PRKAG2: variants seen among roughly 807,000 people sequenced by gnomAD.
PRKAG2 encodes 5'-AMP-activated protein kinase subunit gamma-2.
PRKAG2 carries 26 observed loss-of-function variants against 69.6 expected under a neutral mutation model. The ratio of observed to expected loss-of-function variants is 0.37; its 90% confidence interval spans 0.27 to 0.52. PRKAG2 has a LOEUF of 0.52. Ranked by LOEUF, PRKAG2 falls within the 20% of genes least tolerant of loss-of-function variation. The probability of loss-of-function intolerance (pLI) is 0.90; values close to 1 mark genes in which losing one functional copy is unlikely to be tolerated. For missense variants in PRKAG2, 557 were observed against 740.0 expected (o/e 0.75, Z 2.87); for synonymous variants, 293 against 285.0 (o/e 1.03, Z -0.28).
At chr7:151,682,741 T>C (rs73158151) in intron 3 of PRKAG2, among the ~76,000 whole-genome samples, 41,043 of 147,232 alleles carry the variant, frequency 0.28, 6,555 homozygotes, top group Middle Eastern at 0.38. Context: ...AACCAAAAAA[T>C]CAGCCCCAAC....
chr7:151,612,594 G>T (rs1413418274), intron 5 of PRKAG2, among the ~76,000 whole-genome samples: 1 of 152,196 alleles, frequency 6.6e-6, no homozygotes, highest in Admixed American at 6.5e-5. Flanking sequence ...CCATGGTCTG[G>T]TTCTGCCCCC....
At chr7:151,779,391 C>T (rs2076559082) in intron 3 of PRKAG2, among the ~76,000 whole-genome samples, 1 of 152,192 alleles carries the variant, frequency 6.6e-6, no homozygotes, top group Admixed American at 6.5e-5. Flanking sequence ...CCTCCTCCTC[C>T]TCTCCCCGCT....
intron 2 of PRKAG2, among the ~76,000 whole-genome samples, chr7:151,784,029 C>G (rs62478216): frequency 0.28 from 41,875 of 151,618 alleles, 5,845 homozygotes; most frequent in African/African-American, 0.33. Flanking sequence ...CACACACAGG[C>G]ACCAGGGTGG....
At chr7:151,744,373 G>GTC (rs1201799596) in intron 3 of PRKAG2, among the ~76,000 whole-genome samples, 1 of 152,074 alleles carries the variant, frequency 6.6e-6, no homozygotes, top group Admixed American at 6.6e-5. Context: ...GGGACTCTGG[G>GTC]TCTCCGTTGT....
chr7:151,806,800 T>C (rs569364253), intron 1 of PRKAG2: 34 of 365,172 alleles, frequency 9.3e-5, no homozygotes, highest in South Asian at 6.7e-4. Context: ...ACCCTGTCTC[T>C]ACTAACACTA....
At chr7:151,803,580 C>G (rs1250697110) in intron 1 of PRKAG2, among the ~76,000 whole-genome samples, 1 of 152,204 alleles carries the variant, frequency 6.6e-6, no homozygotes, top group Non-Finnish European at 1.5e-5. Context: ...AAAATGATAT[C>G]CTACTCCATT....
chr7:151,794,296 G>A (rs2077390645), intron 1 of PRKAG2, among the ~76,000 whole-genome samples: 3 of 152,376 alleles, frequency 2.0e-5, no homozygotes, highest in South Asian at 2.1e-4. Flanking sequence ...CCAAGTAGCT[G>A]CAGAATCCCT....
chr7:151,606,126 C>T (rs1427617830), intron 5 of PRKAG2, among the ~76,000 whole-genome samples: 1 of 152,088 alleles, frequency 6.6e-6, no homozygotes, highest in Non-Finnish European at 1.5e-5. Flanking sequence ...AACTCCCAGG[C>T]TCAAGTGATC....
intron 3 of PRKAG2, among the ~76,000 whole-genome samples, chr7:151,702,930 G>T (rs1837970572): frequency 6.6e-6 from 1 of 152,156 alleles, no homozygotes; most frequent in Admixed American, 6.5e-5. Flanking sequence ...CCGAGAACTG[G>T]AGCAAGTAGA....
In PRKAG2 at chr7:151,850,068, C is replaced by T. The variant is rs1488226731; in HGVS notation, c.114+26439G>A. 6.6e-6 allele frequency among the ~76,000 whole-genome samples: 1 copy of T among 152,150 alleles called. No homozygotes were observed. Among genetic ancestry groups the T allele is most frequent in the Non-Finnish European group, 1.5e-5 (1 of 68,042 alleles). The stretch of plus-strand genomic sequence containing the variant: ...CTGCTGGGCTGCAGGGGGAGCGAGA[C>T]ACACCAGGGAGGCTGAGAACCCACA... On this transcript the variant is annotated intron_variant, in intron 1 of 15. Coordinates refer to ENST00000287878, the MANE Select transcript of PRKAG2 (RefSeq NM_016203.4). The surrounding 1 kb of genome is among the most constrained non-coding windows in gnomAD (Gnocchi z 4.1).
At chr7:151,695,481 A>G (rs913711266) in intron 3 of PRKAG2, among the ~76,000 whole-genome samples, 18 of 151,844 alleles carry the variant, frequency 1.2e-4, no homozygotes, top group African/African-American at 4.4e-4. Context: ...TGTGCACACA[A>G]ACTTTCTCGT....
At chr7:151,794,050 T>C (rs7789699) in intron 1 of PRKAG2, among the ~76,000 whole-genome samples, 83,352 of 151,988 alleles carry the variant, frequency 0.55, 23,691 homozygotes, top group African/African-American at 0.7. Context: ...TTCACTCCTA[T>C]GGCCACCCTT....
At chr7:151,665,491 C>T (rs1830912700) in intron 4 of PRKAG2, among the ~76,000 whole-genome samples, 1 of 152,054 alleles carries the variant, frequency 6.6e-6, no homozygotes, top group Admixed American at 6.5e-5. Flanking sequence ...AGGAAGAATG[C>T]CAATTATAAT....
intron 5 of PRKAG2, among the ~76,000 whole-genome samples, chr7:151,630,603 T>C (rs1046881309): frequency 1.3e-5 from 2 of 152,242 alleles, no homozygotes; most frequent in Non-Finnish European, 2.9e-5. Context: ...TAGCGATTCC[T>C]CTCGAACAGA....
At chr7:151,659,309 T>C (rs1205280034) in intron 4 of PRKAG2, among the ~76,000 whole-genome samples, 1 of 152,224 alleles carries the variant, frequency 6.6e-6, no homozygotes, top group Non-Finnish European at 1.5e-5. Context: ...CCTGCTTCTG[T>C]TTCTCAGAAA....
intron 3 of PRKAG2, among the ~76,000 whole-genome samples, chr7:151,729,013 T>G (rs1288289906): frequency 6.6e-6 from 1 of 152,054 alleles, no homozygotes; most frequent in Admixed American, 6.5e-5. Flanking sequence ...CCTGGCCTGC[T>G]GAGTGACTCC....
At chr7:151,558,885 G>A (rs893900027) in intron 15 of PRKAG2, 3 of 985,408 alleles carry the variant, frequency 3.0e-6, no homozygotes, top group Non-Finnish European at 3.6e-6. Flanking sequence ...CATTCTTATG[G>A]TTTGAGATAT....
intron 4 of PRKAG2, among the ~76,000 whole-genome samples, chr7:151,648,802 C>T (rs937790536): frequency 2.6e-5 from 4 of 152,070 alleles, no homozygotes; most frequent in Non-Finnish European, 5.9e-5. Context: ...AGGAGGATGG[C>T]TGGAACCCAG....
At position 151,836,041 on chromosome 7, in the gene PRKAG2, C is replaced by T. The variant is rs774022448; in HGVS notation, c.114+40466G>A. ...GACTTGCAGGACCCAGGACCCAGTG[C>T]ACATCCTGAGTCTAACTCACCCCGA... is the stretch of plus-strand genomic sequence containing the variant. On this transcript the variant is annotated intron_variant, in intron 1 of 15. Coordinates refer to ENST00000287878, the MANE Select transcript of PRKAG2 (RefSeq NM_016203.4). This position sits in a 1 kb window ranked among gnomAD's most constrained non-coding sequence, Gnocchi z 4.1. 6.6e-6 allele frequency among the ~76,000 whole-genome samples: 1 copy of T among 152,174 alleles called. No homozygotes were observed. The highest frequency in any genetic ancestry group is 1.5e-5 in the Non-Finnish European group (1 of 68,026).
Sources: allele counts gnomAD v4.1 joint callset (sites outside exome capture counted in the v4.1 genomes callset), GRCh38; gene constraint gnomAD v4.1.1; non-coding constraint Gnocchi (gnomAD v3.1); transcripts MANE v1.5; gene names NCBI Gene and HGNC (gene_info 2026-07-23, HGNC 2026-07-21).